ADGB: variants seen among roughly 807,000 people sequenced by gnomAD.
The protein encoded by ADGB is calpain-7-like protein.
ADGB carries 172 observed loss-of-function variants against 210.5 expected under a neutral mutation model. That is an observed-to-expected ratio of 0.82 (90% confidence interval 0.72 to 0.93). The LOEUF is 0.93. Ranked by LOEUF, ADGB falls within the 40% of genes least tolerant of loss-of-function variation. The pLI is 0.00. For missense variants in ADGB, 2,025 were observed against 1,964.8 expected (o/e 1.03, Z -0.58); for synonymous variants, 658 against 662.7 (o/e 0.99, Z 0.11).
intron 27 of ADGB, among the ~76,000 whole-genome samples, chr6:146,754,605 C>A (rs1053406265): frequency 1.3e-5 from 2 of 151,638 alleles, no homozygotes; most frequent in Non-Finnish European, 2.9e-5. Context: ...TAGCCATGGG[C>A]TATGATTTAT....
chr6:146,608,086 G>A (rs540341599), intron 1 of ADGB, among the ~76,000 whole-genome samples: 4 of 152,138 alleles, frequency 2.6e-5, no homozygotes, highest in East Asian at 1.9e-4. Flanking sequence ...ACATGTCATC[G>A]GTCTTTTCAG....
At chr6:146,800,787 T>A (rs909633446) in intron 33 of ADGB, among the ~76,000 whole-genome samples, 2 of 152,222 alleles carry the variant, frequency 1.3e-5, no homozygotes, top group Non-Finnish European at 2.9e-5. Flanking sequence ...AGCCCGGTAG[T>A]ACTTAGTGTA....
chr6:146,745,129 T>A (rs1240948241), intron 25 of ADGB, among the ~76,000 whole-genome samples: 1 of 152,150 alleles, frequency 6.6e-6, no homozygotes, highest in African/African-American at 2.4e-5. Context: ...TCATTCTGGC[T>A]TATATATATC....
intron 10 of ADGB, among the ~76,000 whole-genome samples, chr6:146,687,977 G>A (rs1030185218): frequency 6.6e-6 from 1 of 152,026 alleles, no homozygotes; most frequent in Non-Finnish European, 1.5e-5. Flanking sequence ...TCATTTTTAA[G>A]TTAAAAAACT....
At chr6:146,774,415 T>G (rs909025235) in intron 29 of ADGB, among the ~76,000 whole-genome samples, 12 of 152,202 alleles carry the variant, frequency 7.9e-5, no homozygotes, top group African/African-American at 2.7e-4. Context: ...TTTCCTGATA[T>G]CACATTTGAA....
At chr6:146,601,371 T>C (rs1049533073) in intron 1 of ADGB, among the ~76,000 whole-genome samples, 7 of 152,338 alleles carry the variant, frequency 4.6e-5, no homozygotes, top group Middle Eastern at 6.8e-3. Flanking sequence ...TTAGAGACTA[T>C]TGAGCATCAA....
At position 146,752,695 on chromosome 6, in the gene ADGB, G is replaced by C; in HGVS notation, c.3531G>C (p.Glu1177Asp). The change falls in exon 27 of 36, where the codon GAG becomes GAC. Residue 1177 changes from glutamate (E) to aspartate (D), a missense_variant. Physicochemically the swap from Glu to Asp is conservative, Grantham distance 45 (BLOSUM62 2). Transcript: ENST00000397944. ...CAGCATTTCACTTCTTGAAGAGTGA[G>C]AAAGGTTTGAGCTCCCAGTGTAAGT... ...IIPAFHFLKSEKGLSSQSSKH... is the reference protein window; with the variant it reads ...IIPAFHFLKSDKGLSSQSSKH... 3.2e-6 allele frequency: 5 copies of C among 1,550,096 alleles called. No homozygotes were observed. Among genetic ancestry groups the C allele is most frequent in the Non-Finnish European group, 4.4e-6 (5 of 1,146,066 alleles).
At chr6:146,720,747 G>A (rs752352414) in intron 16 of ADGB, among the ~76,000 whole-genome samples, 3 of 152,098 alleles carry the variant, frequency 2.0e-5, no homozygotes, top group Non-Finnish European at 4.4e-5. Context: ...CAGGAAAGGG[G>A]AAAGTGCCAC....
At position 146,628,704 on chromosome 6, in the gene ADGB, C is replaced by A. The variant is rs1781016648; in HGVS notation, c.75-6671C>A. 4.0e-5 allele frequency among the ~76,000 whole-genome samples: 6 copies of A among 151,826 alleles called. No homozygotes were observed. In the South Asian group the frequency reaches 1.2e-3, roughly 31 times the overall value. ...GTGATGCCCTTTCTTCCTTTTTTAA[C>A]TTGGAAAATTTGTAGTTATCCTTCG... is the stretch of plus-strand genomic sequence containing the variant. On this transcript the variant is annotated intron_variant, in intron 1 of 35. Coordinates refer to ENST00000397944, the MANE Select transcript of ADGB (RefSeq NM_024694.4).
intron 26 of ADGB, among the ~76,000 whole-genome samples, chr6:146,751,927 G>A (rs1330602374): frequency 6.6e-6 from 1 of 151,716 alleles, no homozygotes; most frequent in South Asian, 2.1e-4. Flanking sequence ...TACTATATTG[G>A]GATCCTTTGC....
intron 29 of ADGB, among the ~76,000 whole-genome samples, chr6:146,771,016 G>C (rs970922008): frequency 6.6e-6 from 1 of 152,054 alleles, no homozygotes; most frequent in African/African-American, 2.4e-5. Flanking sequence ...AGCAGACAAG[G>C]CTTCGATCTC....
chr6:146,765,902 G>A (rs1340845397), intron 28 of ADGB, among the ~76,000 whole-genome samples: 1 of 151,894 alleles, frequency 6.6e-6, no homozygotes, highest in Non-Finnish European at 1.5e-5. Context: ...TCAATGAAAT[G>A]TGGAATAAAA....
chr6:146,631,488 G>A (rs1219465394), intron 1 of ADGB, among the ~76,000 whole-genome samples: 13 of 152,120 alleles, frequency 8.5e-5, no homozygotes, highest in South Asian at 2.1e-4. Flanking sequence ...AAACAGGATC[G>A]GTAGGCTTCT....
rs568474034 is a variant in ADGB, at chr6:146,654,173, A to G, written c.369A>G (p.Leu123=). 54 of 1,544,590 alleles carry G rather than the reference A, an allele frequency of 3.5e-5. No individual in the cohort carries two copies. In the Middle Eastern group the frequency reaches 5.0e-4, roughly 14 times the overall value. The part of the protein sequence containing the change: ...VVVKNEITFD[L]FSANEHLLCS... ...TGAAAAATGAAATCACGTTTGACTT[A>G]TTTTCAGCAAATGAACATTTACTCT... is the stretch of plus-strand genomic sequence containing the variant. The change falls in exon 4 of 36, where the codon TTA becomes TTG. Residue 123 remains leucine (L), a synonymous_variant. Coordinates refer to ENST00000397944, the MANE Select transcript of ADGB (RefSeq NM_024694.4).
At chr6:146,613,622 A>G (rs1174215739) in intron 1 of ADGB, among the ~76,000 whole-genome samples, 1 of 152,200 alleles carries the variant, frequency 6.6e-6, no homozygotes, top group Non-Finnish European at 1.5e-5. Flanking sequence ...ATATGAGTGC[A>G]TCAGTATGTT....
intron 20 of ADGB, 75 bp downstream of exon 20, chr6:146,728,816 C>A: frequency 8.2e-7 from 1 of 1,218,064 alleles, no homozygotes; most frequent in Non-Finnish European, 1.1e-6. Context: ...ATTAGGTGAC[C>A]TCCCAAATCA....
At position 146,746,074 on chromosome 6, in the gene ADGB, T is replaced by A. The variant is rs966415118; in HGVS notation, c.3330T>A (p.Asp1110Glu). The A allele has an allele frequency of 1.2e-5, 18 of 1,550,284 alleles. No individual in the cohort carries two copies. In the Admixed American group the frequency reaches 3.5e-4, roughly 30 times the overall value. ...CCTTTGCCATAAAGGAAATCCGAGA[T>A]TACTACATACCCAATGATAAGAAAA... ...CNSFAIKEIR[D>E]YYIPNDKKIL... The change falls in exon 26 of 36, where the codon GAT becomes GAA. Residue 1110 changes from aspartate to glutamate, a missense_variant. Coordinates refer to ENST00000397944, the MANE Select transcript of ADGB (RefSeq NM_024694.4).
At chr6:146,694,770 AAT>A (rs1182439972) in intron 12 of ADGB, among the ~76,000 whole-genome samples, 3 of 152,166 alleles carry the variant, frequency 2.0e-5, no homozygotes, top group African/African-American at 7.2e-5. Context: ...TGTGTAAAAA[AAT>A]ACTGTGTAAG....
At chr6:146,663,167 T>TA (rs1490821544) in intron 5 of ADGB, among the ~76,000 whole-genome samples, 179 of 140,962 alleles carry the variant, frequency 1.3e-3, no homozygotes, top group African/African-American at 4.3e-3. Flanking sequence ...TATATATTTA[T>TA]TATATATTAT....
Sources: allele counts gnomAD v4.1 joint callset (sites outside exome capture counted in the v4.1 genomes callset), GRCh38; gene constraint gnomAD v4.1.1; transcripts MANE v1.5; gene names NCBI Gene and HGNC (gene_info 2026-07-23, HGNC 2026-07-21).